Variants in TMEM236 observed in about 807,000 individuals in gnomAD.
TMEM236 encodes the protein transmembrane protein 236.
Under a neutral mutation model 14.7 loss-of-function variants are expected in TMEM236, and 11 were observed. The ratio of observed to expected loss-of-function variants is 0.75; its 90% CI spans 0.47 to 1.24. The LOEUF (loss-of-function observed/expected upper bound fraction) is 1.24. Among genes scored for constraint, TMEM236 ranks in the 50% most tolerant of loss-of-function variants. The pLI is 0.00. For synonymous variants in TMEM236, 182 were observed against 168.6 expected (o/e 1.08, Z -0.62); for missense variants, 464 against 427.3 (o/e 1.09, Z -0.76).
At chr10:17,786,123 T>G (rs1837833758) in intron 3 of TMEM236, among the ~76,000 whole-genome samples, 1 of 152,198 alleles carries the variant, frequency 6.6e-6, no homozygotes, top group Non-Finnish European at 1.5e-5. Context: ...TTTTAGTATA[T>G]TAAATGAGAC....
chr10:17,781,251 C>T (rs1006048276), intron 3 of TMEM236, among the ~76,000 whole-genome samples: 24 of 152,116 alleles, frequency 1.6e-4, no homozygotes, highest in African/African-American at 5.3e-4. Context: ...GAAAACCTTA[C>T]CAAGGACTCC....
chr10:17,752,959 A>C (rs1199498986), intron 1 of TMEM236, among the ~76,000 whole-genome samples: 1 of 151,990 alleles, frequency 6.6e-6, no homozygotes, highest in Non-Finnish European at 1.5e-5. Context: ...TTTAACTTTA[A>C]AGTTCAGGGG....
At chr10:17,788,998 G>T (rs1026946732) in intron 3 of TMEM236, among the ~76,000 whole-genome samples, 98 of 152,288 alleles carry the variant, frequency 6.4e-4, no homozygotes, top group African/African-American at 2.3e-3. Flanking sequence ...GTTGAGGAGT[G>T]GGGAAGTCCT....
At chr10:17,769,007 C>T (rs1391378732) in intron 1 of TMEM236, among the ~76,000 whole-genome samples, 2 of 152,134 alleles carry the variant, frequency 1.3e-5, no homozygotes, top group Non-Finnish European at 1.5e-5. Context: ...TGCCACCATC[C>T]ATCCACAAAA....
intron 1 of TMEM236, among the ~76,000 whole-genome samples, chr10:17,763,517 C>T (rs1298384393): frequency 4.3e-4 from 65 of 152,278 alleles, no homozygotes; most frequent in Admixed American, 4.2e-3. Context: ...TTCTACCCTG[C>T]CCCATCAGCC....
chr10:17,788,127 A>G (rs1837867737), intron 3 of TMEM236, among the ~76,000 whole-genome samples: 1 of 150,342 alleles, frequency 6.7e-6, no homozygotes, highest in Non-Finnish European at 1.5e-5. Context: ...ACAGAACATG[A>G]AGAATTCAGC....
At chr10:17,755,804 T>G (rs1837276869) in intron 1 of TMEM236, among the ~76,000 whole-genome samples, 2 of 152,150 alleles carry the variant, frequency 1.3e-5, no homozygotes, top group African/African-American at 4.8e-5. Flanking sequence ...TGTATTTTGG[T>G]TTTTTGTTTT....
chr10:17,772,626 C>A (rs1837591570), intron 2 of TMEM236, among the ~76,000 whole-genome samples: 1 of 151,896 alleles, frequency 6.6e-6, no homozygotes, highest in Admixed American at 6.6e-5. Context: ...CGAAGTATAA[C>A]ACATAAACAG....
At chr10:17,786,179 C>T (rs1837834592) in intron 3 of TMEM236, among the ~76,000 whole-genome samples, 1 of 152,072 alleles carries the variant, frequency 6.6e-6, no homozygotes, top group Non-Finnish European at 1.5e-5. Context: ...TTCAGGGAGA[C>T]TGATAGGAAT....
At position 17,796,004 on chromosome 10, in the gene TMEM236, G is replaced by T. The variant is rs1357100155; in HGVS notation, c.556G>T (p.Ala186Ser). ...TEQVRQSPEN[A>S]ASPQATNSTQ... Reference sequence around the variant, plus strand: ...GCAAGTGAGGCAAAGTCCAGAAAACGCTGCATCTCCCCAGGCAACCAACAG... The same window carrying T: ...GCAAGTGAGGCAAAGTCCAGAAAACTCTGCATCTCCCCAGGCAACCAACAG... Residue 186 changes from alanine to serine, a missense_variant, in exon 4 of 4, where the codon GCT (alanine) becomes TCT (serine). Ala to Ser is a moderately conservative substitution (Grantham distance 99). Coordinates refer to ENST00000377495, the MANE Select transcript of TMEM236 (RefSeq NM_001098844.3). 1.9e-6 allele frequency: 3 copies of T among 1,613,756 alleles called. No homozygotes were observed. The highest frequency in any genetic ancestry group is 2.5e-6 in the Non-Finnish European group (3 of 1,179,856).
At chr10:17,759,883 T>A (rs36032159) in intron 1 of TMEM236, among the ~76,000 whole-genome samples, 1 of 143,652 alleles carries the variant, frequency 7.0e-6, no homozygotes, top group South Asian at 2.2e-4. Context: ...CTCGGGAGGC[T>A]GAGGCAGGAG....
At position 17,796,202 on chromosome 10, in the gene TMEM236, G is replaced by A. The variant is rs1838011779; in HGVS notation, c.754G>A (p.Val252Met). 2.5e-6 allele frequency: 4 copies of A among 1,613,860 alleles called. No individual in the cohort carries two copies. The highest frequency in any genetic ancestry group is 3.3e-5 in the Admixed American group (2 of 59,988). ...CCTGTGGTCTGACACGATAGAAATG[G>A]TGCGTGTGGCTGGTCACCCCAACGT... The part of the protein sequence containing the change: ...FLLWSDTIEM[V>M]RVAGHPNVYK... Residue 252 changes from valine to methionine, a missense_variant, in exon 4 of 4, where the codon GTG becomes ATG. Val to Met is a conservative substitution (Grantham distance 21, BLOSUM62 1). Transcript: ENST00000377495.
chr10:17,783,675 A>T (rs1837790526), intron 3 of TMEM236, among the ~76,000 whole-genome samples: 1 of 152,148 alleles, frequency 6.6e-6, no homozygotes, highest in Admixed American at 6.5e-5. Flanking sequence ...GTGTAGTTAA[A>T]TTGCTCCCTC....
At chr10:17,783,850 T>C (rs915651573) in intron 3 of TMEM236, among the ~76,000 whole-genome samples, 2 of 152,238 alleles carry the variant, frequency 1.3e-5, no homozygotes, top group Non-Finnish European at 2.9e-5. Flanking sequence ...CATAGGCTTA[T>C]TGGCCAGTTG....
intron 3 of TMEM236, among the ~76,000 whole-genome samples, chr10:17,778,935 T>C (rs1554835281): frequency 2.6e-5 from 4 of 152,176 alleles, no homozygotes. Context: ...CAGTATCAAG[T>C]AATTATCATG....
At position 17,752,276 on chromosome 10, in the gene TMEM236, G is replaced by T. The variant is rs1837220566; in HGVS notation, c.-20G>T. 3.7e-6 allele frequency: 6 copies of T among 1,613,808 alleles called. No individual in the cohort carries two copies. In the South Asian group the frequency reaches 6.6e-5, roughly 18 times the overall value. On this transcript the variant is annotated 5_prime_UTR_variant, in exon 1 of 4. Coordinates refer to ENST00000377495, the MANE Select transcript of TMEM236 (RefSeq NM_001098844.3). The stretch of plus-strand genomic sequence containing the variant: ...TCAAAGAGGGAGTCCCAGGTTCTTG[G>T]CAGCTTGCTTTTCCTCAGGATGGCT...
intron 3 of TMEM236, among the ~76,000 whole-genome samples, chr10:17,784,488 T>A (rs974676208): frequency 1.3e-5 from 2 of 152,196 alleles, no homozygotes; most frequent in African/African-American, 2.4e-5. Context: ...AAAGGAAACC[T>A]CATTGAGTGA....
At chr10:17,785,077 A>T (rs1837812332) in intron 3 of TMEM236, among the ~76,000 whole-genome samples, 1 of 152,168 alleles carries the variant, frequency 6.6e-6, no homozygotes, top group Non-Finnish European at 1.5e-5. Context: ...AGGAAAAGGA[A>T]CTGTTTCTTT....
chr10:17,791,607 C>G (rs1280883377), intron 3 of TMEM236, among the ~76,000 whole-genome samples: 3 of 152,134 alleles, frequency 2.0e-5, no homozygotes, highest in African/African-American at 7.2e-5. Context: ...CTCTGCATCC[C>G]CCACCTCTCA....
Sources: allele counts gnomAD v4.1 joint callset (sites outside exome capture counted in the v4.1 genomes callset), GRCh38; gene constraint gnomAD v4.1.1; transcripts MANE v1.5; gene names NCBI Gene and HGNC (gene_info 2026-07-23, HGNC 2026-07-21).